LIN28A: variants seen among roughly 807,000 people sequenced by gnomAD.
The protein encoded by LIN28A is protein lin-28 homolog A.
In LIN28A, 11 loss-of-function variants were observed where a neutral mutation model predicts 21.1. That is an observed-to-expected ratio of 0.52 (90% CI 0.33 to 0.86). The LOEUF is 0.86. Among genes scored for constraint, LIN28A ranks in the 40% least tolerant of loss-of-function variants. The pLI, the probability that LIN28A is intolerant of heterozygous loss-of-function variation, is 0.03. For missense variants in LIN28A, 219 were observed against 279.8 expected (o/e 0.78, Z 1.55); for synonymous variants, 111 against 108.7 (o/e 1.02, Z -0.13).
At chr1:26,417,159 T>A (rs1570312039) in intron 2 of LIN28A, among the ~76,000 whole-genome samples, 2 of 152,296 alleles carry the variant, frequency 1.3e-5, no homozygotes, top group Admixed American at 1.3e-4. Context: ...ACTCAGTACC[T>A]CCTGGTATAG....
At position 26,411,513 on chromosome 1, in the gene LIN28A, C is replaced by T. The variant is rs760812729; in HGVS notation, c.159C>T (p.Phe53=). The change falls in exon 2 of 4, where the codon TTC becomes TTT. Residue 53 remains phenylalanine (F), a synonymous_variant. Transcript: ENST00000326279. This position sits in a 1 kb window ranked among gnomAD's most constrained non-coding sequence, Gnocchi z 5.4. ...AGTGGTTCAACGTGCGCATGGGGTT[C>T]GGCTTCCTGTCCATGACCGCCCGCG... is the stretch of plus-strand genomic sequence containing the variant. ...ICKWFNVRMG[F]GFLSMTARAG... is the part of the protein sequence containing the mutation. The T allele has an allele frequency of 2.5e-6, 4 of 1,614,152 alleles. No individual in the cohort carries two copies. The South Asian group carries it at 4.4e-5, about 18-fold the overall frequency.
rs1162922753 is a variant in LIN28A at position 26,411,362 on chromosome 1, G to A, written c.32-24G>A. ...CTCCGATTCCGTGCCCCCCAGCTAA[G>A]TGCCCGGCCCTCCCTCTCTCCAGGT... On this transcript the variant is annotated intron_variant, in intron 1 of 3. Transcript: ENST00000326279. The surrounding 1 kb of genome is among the most constrained non-coding windows in gnomAD (Gnocchi z 5.4). The A allele has an allele frequency of 1.3e-6, 2 of 1,542,544 alleles. No homozygotes were observed. The highest frequency in any genetic ancestry group is 8.7e-7 in the Non-Finnish European group (1 of 1,150,170).
chr1:26,416,902 GA>G (rs1210198538), intron 2 of LIN28A, among the ~76,000 whole-genome samples: 8 of 152,182 alleles, frequency 5.3e-5, no homozygotes, highest in Non-Finnish European at 1.2e-4. Context: ...TTACAGGCAT[GA>G]GCCACCATGA....
intron 1 of LIN28A, 35 bp downstream of exon 1, chr1:26,410,957 A>T: frequency 1.3e-6 from 2 of 1,594,730 alleles, no homozygotes; most frequent in Non-Finnish European, 1.7e-6. Context: ...ACACTTTAGG[A>T]TTCAGGGGCG....
Position 26,428,337 on chromosome 1 carries a change from T to A in LIN28A, c.*1879T>A, listed in dbSNP as rs1342233637. 1 of 152,084 alleles carries A rather than the reference T, an allele frequency of 6.6e-6. No individual in the cohort carries two copies. The highest frequency in any genetic ancestry group is 1.5e-5 in the Non-Finnish European group (1 of 68,016). The allele number at this position is 152,084 out of a possible 1,614,324, so 9.4% of individuals were successfully genotyped here. Reference sequence around the variant, plus strand: ...TTCCCCTATTACCTATTAGACCAGATCTTCTGTCCTAAAAACTTGTCTTCT... The same window carrying A: ...TTCCCCTATTACCTATTAGACCAGAACTTCTGTCCTAAAAACTTGTCTTCT... On this transcript the variant is annotated 3_prime_UTR_variant, in exon 4 of 4. Coordinates refer to ENST00000326279, the MANE Select transcript of LIN28A (RefSeq NM_024674.6).
intron 3 of LIN28A, among the ~76,000 whole-genome samples, chr1:26,425,958 T>C (rs1434012291): frequency 6.6e-6 from 1 of 152,226 alleles, no homozygotes; most frequent in Non-Finnish European, 1.5e-5. Context: ...GAATCTCTCC[T>C]ATCCCCCAAG....
At chr1:26,424,040 C>T (rs1476091871) in intron 2 of LIN28A, among the ~76,000 whole-genome samples, 2 of 151,160 alleles carry the variant, frequency 1.3e-5, no homozygotes, top group Admixed American at 6.6e-5. Flanking sequence ...GGATTACAGG[C>T]GTGAGGCAGC....
At chr1:26,412,177 A>C (rs907051433) in intron 2 of LIN28A, among the ~76,000 whole-genome samples, 1 of 152,204 alleles carries the variant, frequency 6.6e-6, no homozygotes. Context: ...TTTGCTGTCC[A>C]GTTCCCGTGA....
At chr1:26,414,280 G>T (rs768502102) in intron 2 of LIN28A, among the ~76,000 whole-genome samples, 4 of 151,620 alleles carry the variant, frequency 2.6e-5, no homozygotes, top group African/African-American at 4.8e-5. Flanking sequence ...GGCTGCTGGG[G>T]TTGGGCACCC....
At chr1:26,425,625 A>C (rs2075054186) in intron 3 of LIN28A, 138 bp downstream of exon 3, 1 of 773,868 alleles carries the variant, frequency 1.3e-6, no homozygotes, top group Non-Finnish European at 2.1e-6. Context: ...GAGCGCCTGC[A>C]ATAGGTGTGG....
chr1:26,424,574 TATTTA>T (rs1557427025), intron 2 of LIN28A, among the ~76,000 whole-genome samples: 1 of 152,180 alleles, frequency 6.6e-6, no homozygotes, highest in African/African-American at 2.4e-5. Flanking sequence ...ACTTTTATTT[TATTTA>T]TTTATTTTTG....
intron 2 of LIN28A, among the ~76,000 whole-genome samples, chr1:26,419,465 A>G (rs972628252): frequency 6.6e-6 from 1 of 152,174 alleles, no homozygotes; most frequent in African/African-American, 2.4e-5. Flanking sequence ...TGAGGTGTCC[A>G]TAGAGGAAGG....
chr1:26,413,291 G>A (rs1369699019), intron 2 of LIN28A, among the ~76,000 whole-genome samples: 3 of 152,174 alleles, frequency 2.0e-5, no homozygotes, highest in Non-Finnish European at 4.4e-5. Context: ...TCCAAAGGCT[G>A]CCAGATAGGG....
intron 2 of LIN28A, among the ~76,000 whole-genome samples, chr1:26,417,153 A>C (rs548593326): frequency 1.3e-5 from 2 of 152,364 alleles, no homozygotes; most frequent in African/African-American, 4.8e-5. Context: ...CGGGCCACTC[A>C]GTACCTCCTG....
chr1:26,417,694 T>G (rs995864363), intron 2 of LIN28A, among the ~76,000 whole-genome samples: 2 of 152,202 alleles, frequency 1.3e-5, no homozygotes, highest in Non-Finnish European at 2.9e-5. Flanking sequence ...CAGTTTGATA[T>G]GAGGGTTAAA....
intron 2 of LIN28A, among the ~76,000 whole-genome samples, chr1:26,422,414 ATT>A (rs60313858): frequency 3.3e-4 from 45 of 134,906 alleles, no homozygotes; most frequent in African/African-American, 7.8e-4. Context: ...CAATTGTCCT[ATT>A]TTTTTTTTTT....
At chr1:26,426,220 T>C (rs2075058385) in intron 3 of LIN28A, 22 bp from the exon 4 acceptor site, 1 of 1,604,654 alleles carries the variant, frequency 6.2e-7, no homozygotes, top group Non-Finnish European at 8.5e-7. Flanking sequence ...TCTCTTACTT[T>C]TACGATCTTG....
intron 2 of LIN28A, among the ~76,000 whole-genome samples, chr1:26,415,733 A>G (rs530151912): frequency 6.6e-6 from 1 of 152,064 alleles, no homozygotes; most frequent in South Asian, 2.1e-4. Flanking sequence ...GCACTATGAA[A>G]GTTTGTGGAG....
At position 26,428,495 on chromosome 1, in the gene LIN28A, T is replaced by A. The variant is rs2075073474; in HGVS notation, c.*2037T>A. 1 of 151,920 alleles carries A rather than the reference T, an allele frequency of 6.6e-6. No individual in the cohort carries two copies. 9.4% of individuals were successfully genotyped at this position (151,920 alleles called of 1,614,324 possible). On this transcript the variant is annotated 3_prime_UTR_variant, in exon 4 of 4. Coordinates refer to ENST00000326279, the MANE Select transcript of LIN28A (RefSeq NM_024674.6). ...ATACTGAAGCTAGGAAAACCCTCCA[T>A]CCCTTGTTCCCAACCTCCTAAGTCA... is the stretch of plus-strand genomic sequence containing the variant.
Sources: gnomAD v4.1 joint callset for allele counts (sites outside exome capture counted in the v4.1 genomes callset) on GRCh38, gnomAD v4.1.1 for gene constraint, Gnocchi (gnomAD v3.1) non-coding constraint, MANE v1.5 for transcripts, NCBI Gene and HGNC (gene_info 2026-07-23, HGNC 2026-07-21) for gene names.